The following RNF144A variants were observed in gnomAD, a reference collection of about 807,000 sequenced individuals.
RNF144A encodes the protein E3 ubiquitin-protein ligase RNF144A.
Under a neutral mutation model 38.7 loss-of-function variants are expected in RNF144A, and 11 were observed. That is an observed-to-expected ratio of 0.28 (90% CI 0.18 to 0.47). The LOEUF (loss-of-function observed/expected upper bound fraction) is 0.47, where lower values mean the gene tolerates loss of function less well. RNF144A is among the 20% of genes least tolerant of loss of function. The probability of loss-of-function intolerance (pLI) is 0.99; values close to 1 mark genes in which losing one functional copy is unlikely to be tolerated. For missense variants in RNF144A, 316 were observed against 377.2 expected, an observed-to-expected ratio of 0.84 and a Z score of 1.34; for synonymous variants, 149 against 143.9, an observed-to-expected ratio of 1.04 and a Z score of -0.25.
chr2:7,074,516 T>G, the RNF144A span: 1 of 152,238 alleles, frequency 6.6e-6, no homozygotes, highest in African/African-American at 2.4e-5. Context: ...AAATTTTGTG[T>G]TGTCAATAAT....
At chr2:7,046,452 G>A (rs938746983), downstream of RNF144A, among the ~76,000 whole-genome samples, 20 of 152,360 alleles carry the variant, frequency 1.3e-4, no homozygotes, top group African/African-American at 4.8e-4. Flanking sequence ...CAGCCTGGGA[G>A]CACCTGTTTC....
intron 2 of RNF144A, among the ~76,000 whole-genome samples, chr2:6,989,678 T>C (rs1669207474): frequency 6.6e-6 from 1 of 152,164 alleles, no homozygotes; most frequent in Admixed American, 6.5e-5. Flanking sequence ...GAATGTCACA[T>C]ATCTGTTATT....
intron 2 of RNF144A, among the ~76,000 whole-genome samples, chr2:6,945,868 G>A (rs746053324): frequency 6.6e-6 from 1 of 152,186 alleles, no homozygotes; most frequent in African/African-American, 2.4e-5. Context: ...AGCCTGCTGT[G>A]AGGAAAGAGA....
intron 2 of RNF144A, among the ~76,000 whole-genome samples, chr2:6,972,200 C>G (rs976438031): frequency 1.3e-5 from 2 of 152,212 alleles, no homozygotes; most frequent in African/African-American, 2.4e-5. Flanking sequence ...TCTTCTTTCC[C>G]TCCTCCTCAT....
intron 2 of RNF144A, among the ~76,000 whole-genome samples, chr2:6,992,198 T>C (rs1394281098): frequency 6.6e-6 from 1 of 152,244 alleles, no homozygotes; most frequent in African/African-American, 2.4e-5. Context: ...CCAGTGGTTC[T>C]TGGGCTTCAT....
At chr2:7,070,081 G>C (rs1210083007), downstream of RNF144A, among the ~76,000 whole-genome samples, 1 of 152,200 alleles carries the variant, frequency 6.6e-6, no homozygotes, top group Non-Finnish European at 1.5e-5. Context: ...ACTGAACTTT[G>C]AGACTGTAGG....
At chr2:7,044,293 G>C, downstream of RNF144A, 1 of 694,490 alleles carries the variant, frequency 1.4e-6, no homozygotes, top group Non-Finnish European at 1.8e-6. Context: ...AATATTCAAT[G>C]TGGGAACTGG....
rs1673452177 is a variant in RNF144A at position 7,049,970 on chromosome 2, G to A, written c.735-18246G>A. Among the ~76,000 whole-genome samples the A allele has an allele frequency of 3.9e-5, 6 of 152,280 alleles. No homozygotes were observed. In the South Asian group the frequency reaches 1.2e-3, roughly 32 times the overall value. Reference sequence around the variant, plus strand: ...TGTGTGATGAAAGTCATAAGAAAAAGCACAATCTCCTCGGCTTTTTCAGTC... The same window carrying A: ...TGTGTGATGAAAGTCATAAGAAAAAACACAATCTCCTCGGCTTTTTCAGTC... On this transcript the variant is annotated intron_variant, in intron 6 of 6. Coordinates refer to the RNF144A transcript ENST00000432850.
At chr2:7,017,915 G>A (rs553481014) in intron 5 of RNF144A, among the ~76,000 whole-genome samples, 3 of 152,342 alleles carry the variant, frequency 2.0e-5, no homozygotes, top group East Asian at 3.9e-4. Context: ...TGTGAGGACA[G>A]GCAGTGCCGT....
chr2:6,956,227 C>T (rs1666984771), intron 2 of RNF144A, among the ~76,000 whole-genome samples: 1 of 150,434 alleles, frequency 6.6e-6, no homozygotes, highest in African/African-American at 2.5e-5. Flanking sequence ...AAATTCTTTT[C>T]TTGTTTCTGT....
In RNF144A at chr2:7,005,588, C is replaced by T. The variant is rs868862145; in HGVS notation, c.135+8527C>T. Reference sequence around the variant, plus strand: ...ATGCCTGCAAAGTAAAGAGCTGCCTCTGCAAGTCTGTTCCGTGTTCCCAGA... The same window carrying T: ...ATGCCTGCAAAGTAAAGAGCTGCCTTTGCAAGTCTGTTCCGTGTTCCCAGA... On this transcript the variant is annotated intron_variant, in intron 3 of 8. Coordinates refer to ENST00000320892, the MANE Select transcript of RNF144A (RefSeq NM_014746.6). Among the ~76,000 whole-genome samples the T allele has an allele frequency of 4.6e-5, 7 of 152,348 alleles. No individual in the cohort carries two copies. In the East Asian group the frequency reaches 1.4e-3, roughly 29 times the overall value.
rs571958742 is a variant in RNF144A at position 7,007,634 on chromosome 2, G to A, written c.136-6820G>A. ...CAATGTCACAGCCTTGGTGTGGAGT[G>A]CATATATATTTGTTGAAGTGACAGG... On this transcript the variant is annotated intron_variant, in intron 3 of 8. Transcript: ENST00000320892. Among the ~76,000 whole-genome samples the A allele has an allele frequency of 6.3e-4, 96 of 152,272 alleles. 1 individual carries two copies. Among genetic ancestry groups the A allele is most frequent in the African/African-American group, 2.1e-3 (87 of 41,548 alleles).
At chr2:7,034,347 GT>G (rs1293925394) in intron 8 of RNF144A, among the ~76,000 whole-genome samples, 1 of 152,148 alleles carries the variant, frequency 6.6e-6, no homozygotes, top group Non-Finnish European at 1.5e-5. Context: ...GCAGCCAGGA[GT>G]GTCAAGCTGT....
At chr2:7,065,382 A>G (rs1384881610) in intron 6 of RNF144A, among the ~76,000 whole-genome samples, 1 of 152,196 alleles carries the variant, frequency 6.6e-6, no homozygotes, top group Non-Finnish European at 1.5e-5. Flanking sequence ...CATGGCGGAT[A>G]GGGAGATTTT....
rs552516939 is a variant in RNF144A, at chr2:6,961,146, G to C, written c.-12+19999G>C. ...CATAATAATTTAGCAATTAGAAAAGGAATAATGCATGCTTTTCTTTTTTTA... is the reference window on the plus strand; with the variant it reads ...CATAATAATTTAGCAATTAGAAAAGCAATAATGCATGCTTTTCTTTTTTTA... On this transcript the variant is annotated intron_variant, in intron 2 of 8. Coordinates refer to ENST00000320892, the MANE Select transcript of RNF144A (RefSeq NM_014746.6). 9.2e-5 allele frequency among the ~76,000 whole-genome samples: 14 copies of C among 152,126 alleles called. No individual in the cohort carries two copies. In the South Asian group the frequency reaches 2.7e-3, roughly 29 times the overall value.
chr2:7,002,616 C>T (rs986947237), intron 3 of RNF144A, among the ~76,000 whole-genome samples: 1 of 152,192 alleles, frequency 6.6e-6, no homozygotes, highest in Non-Finnish European at 1.5e-5. Context: ...CAGAGACATA[C>T]AGTCATGCGC....
chr2:7,072,304 C>G (rs1259257408), downstream of RNF144A, among the ~76,000 whole-genome samples: 1 of 152,228 alleles, frequency 6.6e-6, no homozygotes, highest in Non-Finnish European at 1.5e-5. Context: ...TCACATCCTT[C>G]TGTGTGTGGA....
rs1664214349 is a variant in RNF144A, at chr2:6,917,723, G to T, written c.-212+101G>T. 1 of 148,570 alleles carries T rather than the reference G, an allele frequency of 6.7e-6. No homozygotes were observed. Among genetic ancestry groups the T allele is most frequent in the South Asian group, 2.1e-4 (1 of 4,826 alleles). 9.2% of individuals were successfully genotyped at this position (148,570 alleles called of 1,614,324 possible). On this transcript the variant is annotated intron_variant, in intron 1 of 8. Transcript: ENST00000320892. This position sits in a 1 kb window ranked among gnomAD's most constrained non-coding sequence, Gnocchi z 4.8. ...TGCGCGGCCGGCCTTGGGGCTCGGG[G>T]CTTGCGGCCGCGCCTGCCCCGCTGG...
intron 2 of RNF144A, among the ~76,000 whole-genome samples, chr2:6,978,451 A>G (rs1170101953): frequency 6.6e-6 from 1 of 152,158 alleles, no homozygotes; most frequent in African/African-American, 2.4e-5. Context: ...CACCTTATAA[A>G]GGTTCCAGGG....
Sources: gnomAD v4.1 joint callset for allele counts (sites outside exome capture counted in the v4.1 genomes callset) on GRCh38, gnomAD v4.1.1 for gene constraint, Gnocchi (gnomAD v3.1) non-coding constraint, MANE v1.5 for transcripts, NCBI Gene and HGNC (gene_info 2026-07-23, HGNC 2026-07-21) for gene names.